Variants in GSDME observed in about 807,000 individuals in gnomAD.
The protein encoded by GSDME is gasdermin E.
In GSDME, 44 loss-of-function variants were observed where a neutral mutation model predicts 47.5. The observed-to-expected ratio is 0.93, with a 90% CI of 0.73 to 1.19. The LOEUF is 1.19. Among genes scored for constraint, GSDME ranks in the 50% most tolerant of loss-of-function variants. GSDME has a pLI of 0.00. For missense variants in GSDME, 663 were observed against 604.2 expected, an observed-to-expected ratio of 1.10 and a Z score of -1.02; for synonymous variants, 258 against 252.8, an observed-to-expected ratio of 1.02 and a Z score of -0.20.
the GSDME span, among the ~76,000 whole-genome samples, chr7:24,770,454 G>C: frequency 1.3e-4 from 20 of 152,164 alleles, no homozygotes; most frequent in African/African-American, 4.3e-4. The surrounding 1 kb of genome is among the most constrained non-coding windows in gnomAD (Gnocchi z 4.6). Flanking sequence ...GGAGAAAGTC[G>C]TGAGAATCGC....
At chr7:24,707,165 A>G (rs779866897) in intron 7 of GSDME, 11 of 374,726 alleles carry the variant, frequency 2.9e-5, no homozygotes, top group Non-Finnish European at 5.8e-5. Context: ...GCACAATCTA[A>G]TTTCAAGAGA....
At chr7:24,723,771 C>T (rs1789875235) in intron 3 of GSDME, among the ~76,000 whole-genome samples, 1 of 152,204 alleles carries the variant, frequency 6.6e-6, no homozygotes, top group African/African-American at 2.4e-5. Flanking sequence ...ATTGAATCTT[C>T]ATCTCTATTA....
Position 24,708,067 on chromosome 7 carries a change from T to G in GSDME, c.990+60A>C, listed in dbSNP as rs547482431. ...ACCTTTAACACAATTCCATCCTGCC[T>G]CCTCCCCTGTTCCAGAAAACCCCAG... On this transcript the variant is annotated intron_variant, in intron 7 of 9. Transcript: ENST00000645220. The G allele has an allele frequency of 3.0e-5, 48 of 1,606,800 alleles. No individual in the cohort carries two copies. In the African/African-American group the frequency reaches 6.0e-4, roughly 20 times the overall value.
At chr7:24,775,614 C>T in the GSDME span, among the ~76,000 whole-genome samples, 1 of 152,100 alleles carries the variant, frequency 6.6e-6, no homozygotes, top group African/African-American at 2.4e-5. Context: ...CGCCTGTAAT[C>T]CCAGCACTAT....
chr7:24,767,493 G>GA, the GSDME span, among the ~76,000 whole-genome samples: 89,775 of 151,820 alleles, frequency 0.59, 27,245 homozygotes, highest in East Asian at 0.82. The surrounding 1 kb of genome is among the most constrained non-coding windows in gnomAD (Gnocchi z 5.3). Context: ...CACTGCAAAA[G>GA]AAACCTCTAT....
chr7:24,747,702 C>T lies in GSDME; in HGVS notation c.211+1862G>A, dbSNP rs142769433. On this transcript the variant is annotated intron_variant, in intron 2 of 9. Coordinates refer to ENST00000645220, the MANE Select transcript of GSDME (RefSeq NM_001127453.2). ...TTTTCTTATTTTGGAGACAGGGACT[C>T]TGTTGCCCAGGCTGGAATGCAGTGG... Among the ~76,000 whole-genome samples the T allele has an allele frequency of 1.8e-3, 279 of 152,124 alleles. 1 individual carries two copies. The highest frequency in any genetic ancestry group is 5.9e-3 in the African/African-American group (245 of 41,490).
At chr7:24,707,386 T>G (rs1464351589) in intron 7 of GSDME, 1 of 471,468 alleles carries the variant, frequency 2.1e-6, no homozygotes, top group African/African-American at 2.0e-5. Context: ...TTTGTACAAC[T>G]AAGAGTTAAG....
intron 1 of GSDME, among the ~76,000 whole-genome samples, chr7:24,755,603 G>T (rs1264018116): frequency 6.6e-6 from 1 of 152,220 alleles, no homozygotes; most frequent in South Asian, 2.1e-4. Flanking sequence ...CTGACAGTGT[G>T]TTCCTGGAGG....
At chr7:24,717,071 C>A in intron 5 of GSDME, 183 bp downstream of exon 5, 1 of 679,832 alleles carries the variant, frequency 1.5e-6, no homozygotes, top group Non-Finnish European at 2.5e-6. Flanking sequence ...TCACCACACC[C>A]CTCCCCCAGT....
At chr7:24,781,992 C>G in the GSDME span, among the ~76,000 whole-genome samples, 1 of 152,278 alleles carries the variant, frequency 6.6e-6, no homozygotes, top group South Asian at 2.1e-4. Context: ...GCAATCCTCC[C>G]ACTTTAGCCA....
At chr7:24,743,573 G>T (rs1412092706) in intron 3 of GSDME, among the ~76,000 whole-genome samples, 1 of 152,112 alleles carries the variant, frequency 6.6e-6, no homozygotes, top group African/African-American at 2.4e-5. Flanking sequence ...CCCTCCACTG[G>T]CTCTCAGTAA....
chr7:24,771,303 T>C, the GSDME span, among the ~76,000 whole-genome samples: 707 of 152,332 alleles, frequency 4.6e-3, 10 homozygotes, highest in African/African-American at 0.016. This position sits in a 1 kb window ranked among gnomAD's most constrained non-coding sequence, Gnocchi z 4.1. Flanking sequence ...TATTATGAGC[T>C]CTTCAATTTG....
At chr7:24,715,539 G>T (rs1453496624) in intron 5 of GSDME, 1 of 469,726 alleles carries the variant, frequency 2.1e-6, no homozygotes, top group Non-Finnish European at 4.4e-6. Flanking sequence ...CCATCAGTAA[G>T]ACTGGACAGG....
In GSDME at chr7:24,724,595, C is replaced by T. The variant is rs1789905952; in HGVS notation, c.405-5377G>A. On this transcript the variant is annotated intron_variant, in intron 3 of 9. Coordinates refer to ENST00000645220, the MANE Select transcript of GSDME (RefSeq NM_001127453.2). This position sits in a 1 kb window ranked among gnomAD's most constrained non-coding sequence, Gnocchi z 4.8. The stretch of plus-strand genomic sequence containing the variant: ...TGGAGGCAGGGGAAGGGGGTGCATA[C>T]TCAGTCGAGAAGAACTCCCTCTCCT... The T allele has an allele frequency of 6.6e-6, 1 of 152,404 alleles. No individual in the cohort carries two copies. The highest frequency in any genetic ancestry group is 1.5e-5 in the Non-Finnish European group (1 of 68,218). 9.4% of individuals were successfully genotyped at this position (152,404 alleles called of 1,614,324 possible).
Position 24,722,877 on chromosome 7 carries a change from G to A in GSDME, c.405-3659C>T, listed in dbSNP as rs76847937. ...GCAGTCCTGAGACGCTTGCTGAGTC[G>A]CTGCCTTCAAAAGGTCTCTGTGGGG... is the stretch of plus-strand genomic sequence containing the variant. On this transcript the variant is annotated intron_variant, in intron 3 of 9. Coordinates refer to ENST00000645220, the MANE Select transcript of GSDME (RefSeq NM_001127453.2). Among the ~76,000 whole-genome samples the A allele has an allele frequency of 8.5e-5, 13 of 152,288 alleles. No homozygotes were observed. In the East Asian group the frequency reaches 2.5e-3, roughly 29 times the overall value.
chr7:24,767,612 G>A, the GSDME span, among the ~76,000 whole-genome samples: 1 of 140,218 alleles, frequency 7.1e-6, no homozygotes, highest in Non-Finnish European at 1.5e-5. This position sits in a 1 kb window ranked among gnomAD's most constrained non-coding sequence, Gnocchi z 5.3. Flanking sequence ...AAATGGAGTT[G>A]TAGAACCTTT....
chr7:24,707,907 C>T, intron 7 of GSDME: 1 of 596,480 alleles, frequency 1.7e-6, no homozygotes, highest in South Asian at 2.3e-5. Context: ...TTTTTTAAGC[C>T]CTCAGGTTTG....
intron 5 of GSDME, chr7:24,715,536 T>C (rs1789518779): frequency 2.1e-6 from 1 of 470,178 alleles, no homozygotes; most frequent in African/African-American, 2.0e-5. Flanking sequence ...TGGCCATCAG[T>C]AAGACTGGAC....
At chr7:24,717,175 C>A (rs1359877180) in intron 5 of GSDME, 79 bp downstream of exon 5, 10 of 1,200,366 alleles carry the variant, frequency 8.3e-6, no homozygotes, top group African/African-American at 3.2e-5. Context: ...CAGTCGAGTC[C>A]TCTGGAAAGC....
Sources: allele counts gnomAD v4.1 joint callset (sites outside exome capture counted in the v4.1 genomes callset), GRCh38; gene constraint gnomAD v4.1.1; non-coding constraint Gnocchi (gnomAD v3.1); transcripts MANE v1.5; gene names NCBI Gene and HGNC (gene_info 2026-07-23, HGNC 2026-07-21).